The following FAF1 variants were observed in gnomAD, a reference collection of about 807,000 sequenced individuals.
The protein encoded by FAF1 is Fas associated factor 1.
Under a neutral mutation model 92.5 loss-of-function variants are expected in FAF1, and 25 were observed. The observed-to-expected ratio is 0.27, with a 90% CI of 0.20 to 0.38. The LOEUF is 0.38. Among genes scored for constraint, FAF1 ranks in the 10% least tolerant of loss-of-function variants. FAF1 has a pLI of 1.00. For synonymous variants in FAF1, 234 were observed against 273.2 expected (o/e 0.86, Z 1.42); for missense variants, 636 against 793.3 (o/e 0.80, Z 2.38).
chr1:50,551,806 A>G (rs1649321529), intron 13 of FAF1, among the ~76,000 whole-genome samples: 1 of 152,208 alleles, frequency 6.6e-6, no homozygotes, highest in Non-Finnish European at 1.5e-5. Flanking sequence ...GAATGCTACC[A>G]AATTGAGAGT....
At chr1:50,933,545 C>G (rs995129005) in intron 1 of FAF1, among the ~76,000 whole-genome samples, 3 of 152,222 alleles carry the variant, frequency 2.0e-5, no homozygotes, top group Non-Finnish European at 2.9e-5. Flanking sequence ...AGCCATTCGA[C>G]AAGTCTCTAG....
chr1:50,870,662 G>A (rs772511581), intron 1 of FAF1, among the ~76,000 whole-genome samples: 1 of 151,858 alleles, frequency 6.6e-6, no homozygotes, highest in Non-Finnish European at 1.5e-5. Flanking sequence ...TAATTGTTTT[G>A]AGGCGCCACA....
chr1:50,899,598 G>A (rs890943964), intron 1 of FAF1, among the ~76,000 whole-genome samples: 37 of 152,056 alleles, frequency 2.4e-4, no homozygotes, highest in South Asian at 4.2e-4. Flanking sequence ...GAATACAGGC[G>A]CGTGCCACCA....
chr1:50,507,483 A>G (rs1647073072), intron 15 of FAF1, among the ~76,000 whole-genome samples: 1 of 152,168 alleles, frequency 6.6e-6, no homozygotes, highest in Non-Finnish European at 1.5e-5. Flanking sequence ...TCATGCCTGT[A>G]ATCCCAGTGT....
intron 8 of FAF1, among the ~76,000 whole-genome samples, chr1:50,621,747 C>T (rs954746734): frequency 6.6e-6 from 1 of 152,018 alleles, no homozygotes; most frequent in Admixed American, 6.6e-5. Flanking sequence ...CCAGCACCTC[C>T]TAGAGGAAGA....
chr1:50,449,734 C>T (rs903463856), intron 18 of FAF1, among the ~76,000 whole-genome samples: 1 of 151,436 alleles, frequency 6.6e-6, no homozygotes, highest in Admixed American at 6.6e-5. Flanking sequence ...CTGATCTGCC[C>T]GCCTCGGCCT....
rs1227849533 is a variant in FAF1, at chr1:50,511,450, A to C, written c.1495-19649T>G. Among the ~76,000 whole-genome samples, 12 of 147,998 alleles carry C rather than the reference A, an allele frequency of 8.1e-5. No homozygotes were observed. In the East Asian group the frequency reaches 2.2e-3, roughly 27 times the overall value. On this transcript the variant is annotated intron_variant, in intron 15 of 18. Coordinates refer to ENST00000396153, the MANE Select transcript of FAF1 (RefSeq NM_007051.3). ...GTGTGATATTCCCCTCCCTGTGTCC[A>C]TGTGTTCTCATTGTTCAACTCCCAC...
intron 1 of FAF1, among the ~76,000 whole-genome samples, chr1:50,878,383 G>A (rs1644586972): frequency 6.6e-6 from 1 of 152,324 alleles, no homozygotes; most frequent in East Asian, 1.9e-4. Flanking sequence ...AAACCAGTAA[G>A]AGGCTAGGAT....
intron 1 of FAF1, among the ~76,000 whole-genome samples, chr1:50,892,382 A>G (rs914490391): frequency 4.3e-4 from 66 of 152,202 alleles, no homozygotes; most frequent in African/African-American, 1.6e-3. Context: ...CCCCAGTGAG[A>G]TGAACCTGGT....
At chr1:50,959,704 C>A (rs372478075) in intron 1 of FAF1, 63 bp downstream of exon 1, 39 of 1,424,568 alleles carry the variant, frequency 2.7e-5, no homozygotes, top group Non-Finnish European at 3.6e-5. Context: ...GAAGAAGACT[C>A]CCTTGTGGCA....
intron 4 of FAF1, among the ~76,000 whole-genome samples, chr1:50,772,317 T>C (rs945420167): frequency 6.6e-6 from 1 of 152,144 alleles, no homozygotes; most frequent in Admixed American, 6.5e-5. Context: ...AAGAAAGAAT[T>C]ACCGTCCTAC....
chr1:50,835,185 C>T (rs1480877075), intron 2 of FAF1, among the ~76,000 whole-genome samples: 2 of 152,092 alleles, frequency 1.3e-5, no homozygotes, highest in Non-Finnish European at 2.9e-5. Flanking sequence ...AGAAGCACTA[C>T]GACCAGAGTG....
At chr1:50,871,758 T>G (rs1409495412) in intron 1 of FAF1, among the ~76,000 whole-genome samples, 1 of 152,210 alleles carries the variant, frequency 6.6e-6, no homozygotes, top group Non-Finnish European at 1.5e-5. Flanking sequence ...TTCTGGCTGC[T>G]AACACAACAT....
At chr1:50,707,102 C>T (rs1251882574) in intron 6 of FAF1, among the ~76,000 whole-genome samples, 1 of 150,700 alleles carries the variant, frequency 6.6e-6, no homozygotes, top group Non-Finnish European at 1.5e-5. Flanking sequence ...ACTTGGGAGG[C>T]TGAGGCAGAG....
intron 3 of FAF1, among the ~76,000 whole-genome samples, chr1:50,795,732 G>C (rs1437761650): frequency 6.6e-6 from 1 of 152,184 alleles, no homozygotes; most frequent in African/African-American, 2.4e-5. Context: ...TGATGGTTCA[G>C]AAATCATGGT....
At chr1:50,883,799 TATTA>T (rs1420217494) in intron 1 of FAF1, among the ~76,000 whole-genome samples, 1 of 152,208 alleles carries the variant, frequency 6.6e-6, no homozygotes, top group African/African-American at 2.4e-5. Flanking sequence ...ATTATGGAAT[TATTA>T]ATTTACTGAG....
chr1:50,591,543 G>A (rs562121782), intron 9 of FAF1, among the ~76,000 whole-genome samples: 1 of 152,032 alleles, frequency 6.6e-6, no homozygotes, highest in East Asian at 1.9e-4. Context: ...CATGGTGGTG[G>A]GTGCCTATAA....
chr1:50,744,371 T>C (rs995666789), intron 5 of FAF1, among the ~76,000 whole-genome samples: 2 of 152,166 alleles, frequency 1.3e-5, no homozygotes, highest in African/African-American at 4.8e-5. Context: ...GGGCATTCAC[T>C]GATACTCTAG....
chr1:50,481,862 T>C (rs942777574), intron 17 of FAF1, among the ~76,000 whole-genome samples: 6 of 151,758 alleles, frequency 4.0e-5, no homozygotes, highest in Non-Finnish European at 7.4e-5. Context: ...GACTGAAGAA[T>C]AGCAAGGCAG....
Sources: gnomAD v4.1 joint callset for allele counts (sites outside exome capture counted in the v4.1 genomes callset) on GRCh38, gnomAD v4.1.1 for gene constraint, MANE v1.5 for transcripts, NCBI Gene and HGNC (gene_info 2026-07-23, HGNC 2026-07-21) for gene names.